Variants in TSC22D1 observed in about 807,000 individuals in gnomAD.
The protein encoded by TSC22D1 is TSC22 domain family member 1, also known as TSC22 domain family protein 1.
A neutral mutation model predicts 74.2 loss-of-function variants in TSC22D1; 9 were observed. That is an observed-to-expected ratio of 0.12 (90% confidence interval 0.07 to 0.21). TSC22D1 has a LOEUF of 0.21. Among genes scored for constraint, TSC22D1 ranks in the 10% least tolerant of loss-of-function variants. The pLI, the probability that TSC22D1 is intolerant of heterozygous loss-of-function variation, is 1.00. For synonymous variants in TSC22D1, 586 were observed against 492.5 expected, an observed-to-expected ratio of 1.19 and a Z score of -2.51; for missense variants, 1,427 against 1,304.7, an observed-to-expected ratio of 1.09 and a Z score of -1.44.
chr13:44,537,505 G>C (rs1179843280), intron 1 of TSC22D1: 1 of 985,006 alleles, frequency 1.0e-6, no homozygotes, highest in Non-Finnish European at 1.2e-6. Context: ...ACACAAAGCG[G>C]TTTCTACTGT....
At position 44,434,641 on chromosome 13, in the gene TSC22D1, T is replaced by C. The variant is rs1458454078; in HGVS notation, c.3207A>G (p.Ser1069=). 1.3e-6 allele frequency: 2 copies of C among 1,575,474 alleles called. No homozygotes were observed. The highest frequency in any genetic ancestry group is 1.7e-6 in the Non-Finnish European group (2 of 1,163,234). The change falls in exon 3 of 3, where the codon TCA becomes TCG. Residue 1069 remains serine (S), a synonymous_variant. Transcript: ENST00000458659. ...QPPAQPASQG[S]GPTA ...GCATAGGCAGCTATGCGGTTGGTCCTGAGCCCTGCGATGCTGGCTGGGCGG... is the reference window on the plus strand; with the variant it reads ...GCATAGGCAGCTATGCGGTTGGTCCCGAGCCCTGCGATGCTGGCTGGGCGG...
At chr13:44,525,795 C>CAAAAAAAAAAA (rs59399056) in intron 1 of TSC22D1, among the ~76,000 whole-genome samples, 2 of 88,550 alleles carry the variant, frequency 2.3e-5, no homozygotes, top group Non-Finnish European at 2.6e-5. Context: ...TAGCTTTTAA[C>CAAAAAAAAAAA]AAAAAAAAAA....
chr13:44,459,262 C>G (rs1876860502), intron 1 of TSC22D1, among the ~76,000 whole-genome samples: 1 of 152,184 alleles, frequency 6.6e-6, no homozygotes, highest in Non-Finnish European at 1.5e-5. Flanking sequence ...GGGGAATGAC[C>G]TGCCTGTGGA....
chr13:44,539,275 G>C, intron 1 of TSC22D1: 2 of 985,270 alleles, frequency 2.0e-6, no homozygotes, highest in Non-Finnish European at 2.4e-6. Flanking sequence ...TACTATCATT[G>C]CATCTTTTAA....
chr13:44,436,477 A>T (rs373364165), intron 1 of TSC22D1: 11 of 1,609,096 alleles, frequency 6.8e-6, no homozygotes, highest in African/African-American at 2.7e-5. Context: ...GAATAAATTT[A>T]AAGAAACTAT....
intron 1 of TSC22D1, among the ~76,000 whole-genome samples, chr13:44,530,079 T>A (rs1880749205): frequency 6.6e-6 from 1 of 152,062 alleles, no homozygotes; most frequent in Non-Finnish European, 1.5e-5. Context: ...AAAGTCTATG[T>A]GGAAAAGCAA....
Position 44,575,465 on chromosome 13 carries a change from G to T in TSC22D1, c.610C>A (p.Leu204Ile), listed in dbSNP as rs143966680. Residue 204 changes from leucine (L) to isoleucine (I), a missense_variant, in exon 1 of 3, where the codon CTT becomes ATT. Around this residue, in one of 3 missense-constraint regions of TSC22D1, gnomAD observed 1,343 missense variants for 1,191.5 expected, o/e 1.13. Transcript: ENST00000458659. ...PHLPQPHLPHLPQQNVVINGN... is the reference protein window; with the variant it reads ...PHLPQPHLPHIPQQNVVINGN... ...TTGATCACAACATTCTGTTGTGGAA[G>T]GTGAGGCAAATGAGGCTGAGGAAGG... 235 of 1,613,998 alleles carry T rather than the reference G, an allele frequency of 1.5e-4. 1 individual carries two copies. The highest frequency in any genetic ancestry group is 3.6e-4 in the South Asian group (33 of 91,082).
intron 1 of TSC22D1, among the ~76,000 whole-genome samples, chr13:44,470,435 A>G (rs1877534199): frequency 6.6e-6 from 1 of 152,198 alleles, no homozygotes; most frequent in Non-Finnish European, 1.5e-5. Flanking sequence ...GTCTGGCCAC[A>G]TCCTTTATAA....
chr13:44,484,977 G>A (rs548222818), intron 1 of TSC22D1, among the ~76,000 whole-genome samples: 6 of 152,308 alleles, frequency 3.9e-5, no homozygotes, highest in Admixed American at 3.3e-4. Context: ...CAAAATGAAA[G>A]TAAAGTGGGA....
intron 1 of TSC22D1, among the ~76,000 whole-genome samples, chr13:44,515,777 C>T (rs1322112307): frequency 6.6e-6 from 1 of 152,134 alleles, no homozygotes; most frequent in African/African-American, 2.4e-5. Context: ...ATGTATATAT[C>T]TGAAATAACA....
At chr13:44,461,958 T>C (rs1215090817) in intron 1 of TSC22D1, among the ~76,000 whole-genome samples, 1 of 152,170 alleles carries the variant, frequency 6.6e-6, no homozygotes, top group African/African-American at 2.4e-5. Flanking sequence ...TTCCTAAATA[T>C]ATAGCATGAA....
intron 1 of TSC22D1, among the ~76,000 whole-genome samples, chr13:44,472,916 G>C (rs1324035509): frequency 1.3e-5 from 2 of 152,082 alleles, no homozygotes; most frequent in Non-Finnish European, 2.9e-5. Context: ...CCTGAGATTG[G>C]GCAATTTAAA....
In TSC22D1 at chr13:44,565,282, AAGAC is replaced by A. The variant is rs59305867; in HGVS notation, c.2912+7877_2912+7880del. ...AGTCTGACAGAAGAGAGAAACCTGA[AAGAC>A]AGACTGAAAAGGAATGGCCAGAAGA... On this transcript the variant is annotated intron_variant, in intron 1 of 2. Coordinates refer to ENST00000458659, the MANE Select transcript of TSC22D1 (RefSeq NM_183422.4). 7.2e-4 allele frequency among the ~76,000 whole-genome samples: 109 copies of A among 152,306 alleles called. 1 individual carries two copies. The East Asian group carries it at 0.02, about 29-fold the overall frequency.
At chr13:44,504,641 A>C (rs1462315675) in intron 1 of TSC22D1, among the ~76,000 whole-genome samples, 1 of 152,002 alleles carries the variant, frequency 6.6e-6, no homozygotes, top group East Asian at 1.9e-4. Flanking sequence ...GCAAACTGAT[A>C]GAAGTAATTT....
At chr13:44,561,528 T>C (rs1445121784) in intron 1 of TSC22D1, among the ~76,000 whole-genome samples, 1 of 152,218 alleles carries the variant, frequency 6.6e-6, no homozygotes, top group Non-Finnish European at 1.5e-5. Flanking sequence ...CTATGTCTTA[T>C]ATTCTTTTCT....
intron 1 of TSC22D1, chr13:44,537,527 T>G: frequency 1.0e-6 from 1 of 985,084 alleles, no homozygotes; most frequent in Non-Finnish European, 1.2e-6. Context: ...GTTCAAAGAG[T>G]TCAACTAACT....
Position 44,524,008 on chromosome 13 carries a change from G to C in TSC22D1, c.2912+49155C>G, listed in dbSNP as rs1290473091. ...CAATGAGAAAAAGCCTTTGAAAAAA[G>C]AAGTATGGGGATAGAAGCATCTTAA... On this transcript the variant is annotated intron_variant, in intron 1 of 2. Transcript: ENST00000458659. Among the ~76,000 whole-genome samples the C allele has an allele frequency of 2.0e-5, 3 of 152,110 alleles. 1 individual carries two copies. The highest frequency in any genetic ancestry group is 4.1e-4 in the South Asian group (2 of 4,830).
intron 1 of TSC22D1, among the ~76,000 whole-genome samples, chr13:44,455,852 G>C (rs912914950): frequency 3.3e-5 from 5 of 152,142 alleles, no homozygotes; most frequent in African/African-American, 1.2e-4. Context: ...CATAAGGATA[G>C]AGTAAATATA....
intron 1 of TSC22D1, among the ~76,000 whole-genome samples, chr13:44,506,728 C>T (rs1045771517): frequency 2.0e-5 from 3 of 152,070 alleles, no homozygotes; most frequent in Admixed American, 6.5e-5. Flanking sequence ...AGCTGGGTAT[C>T]GAGAGAGTAT....
Sources: gnomAD v4.1 joint callset for allele counts (sites outside exome capture counted in the v4.1 genomes callset) on GRCh38, gnomAD v4.1.1 for gene constraint, gnomAD v4.1.1 regional missense constraint, MANE v1.5 for transcripts, NCBI Gene and HGNC (gene_info 2026-07-23, HGNC 2026-07-21) for gene names.